The following NDUFAF2 variants were observed in gnomAD, a reference collection of about 807,000 sequenced individuals.
NDUFAF2 encodes NADH dehydrogenase [ubiquinone] 1 alpha subcomplex assembly factor 2.
Under a neutral mutation model 22.8 loss-of-function variants are expected in NDUFAF2, and 13 were observed. That is an observed-to-expected ratio of 0.57 (90% CI 0.37 to 0.91). The LOEUF (loss-of-function observed/expected upper bound fraction) is 0.91, where lower values mean the gene tolerates loss of function less well. NDUFAF2 is among the 40% of genes least tolerant of loss of function. The pLI, the probability that NDUFAF2 is intolerant of heterozygous loss-of-function variation, is 0.01. For synonymous variants in NDUFAF2, 53 were observed against 64.2 expected (o/e 0.83, Z 0.84); for missense variants, 162 against 195.2 (o/e 0.83, Z 1.01).
chr5:61,135,178 G>A (rs1740905254), intron 3 of NDUFAF2, among the ~76,000 whole-genome samples: 1 of 150,664 alleles, frequency 6.6e-6, no homozygotes, highest in African/African-American at 2.4e-5. Context: ...CGGTCCACTG[G>A]AAAGACCTAA....
At chr5:60,951,068 C>T (rs1331013058) in intron 1 of NDUFAF2, among the ~76,000 whole-genome samples, 7 of 151,842 alleles carry the variant, frequency 4.6e-5, no homozygotes, top group East Asian at 1.9e-4. Context: ...CTCACTCTGT[C>T]GCCCAGGCTG....
At chr5:60,986,045 G>A (rs889445023) in intron 1 of NDUFAF2, among the ~76,000 whole-genome samples, 3 of 152,182 alleles carry the variant, frequency 2.0e-5, no homozygotes, top group African/African-American at 7.2e-5. Flanking sequence ...CATGCTGATG[G>A]GATTGTAAAG....
At chr5:61,111,268 C>T (rs1384636098) in intron 3 of NDUFAF2, among the ~76,000 whole-genome samples, 2 of 152,216 alleles carry the variant, frequency 1.3e-5, no homozygotes, top group South Asian at 2.1e-4. Flanking sequence ...ATGTGCTTAA[C>T]GAGAAGCATG....
intron 1 of NDUFAF2, among the ~76,000 whole-genome samples, chr5:60,965,844 T>G (rs1057496608): frequency 6.6e-6 from 1 of 152,214 alleles, no homozygotes; most frequent in African/African-American, 2.4e-5. Context: ...TGCAGATATC[T>G]CTTTGGCATA....
intron 1 of NDUFAF2, among the ~76,000 whole-genome samples, chr5:60,998,640 G>C (rs1751257640): frequency 6.6e-6 from 1 of 152,006 alleles, no homozygotes. Context: ...AGTGAAAAAT[G>C]CTATGACTTA....
intron 3 of NDUFAF2, among the ~76,000 whole-genome samples, chr5:61,147,668 T>C (rs912577139): frequency 6.6e-6 from 1 of 152,112 alleles, no homozygotes; most frequent in Non-Finnish European, 1.5e-5. Flanking sequence ...AACTGTACTT[T>C]CCAATATAGT....
At chr5:61,067,167 T>A (rs901268851) in intron 1 of NDUFAF2, among the ~76,000 whole-genome samples, 2 of 152,116 alleles carry the variant, frequency 1.3e-5, no homozygotes, top group Non-Finnish European at 2.9e-5. Context: ...TTCTTTTTTT[T>A]AATTATTATG....
intron 1 of NDUFAF2, among the ~76,000 whole-genome samples, chr5:61,040,295 C>G (rs1296758679): frequency 1.3e-5 from 2 of 150,392 alleles, no homozygotes; most frequent in African/African-American, 2.5e-5. Context: ...CACGCGCGCG[C>G]GCGCGCGAAA....
intron 1 of NDUFAF2, among the ~76,000 whole-genome samples, chr5:61,052,777 G>C (rs1333057106): frequency 6.6e-6 from 1 of 152,134 alleles, no homozygotes; most frequent in Non-Finnish European, 1.5e-5. Context: ...ATGGGTAATG[G>C]TATTTCACCA....
chr5:61,086,493 C>G (rs1013132065), intron 2 of NDUFAF2, among the ~76,000 whole-genome samples: 1 of 152,114 alleles, frequency 6.6e-6, no homozygotes, highest in Non-Finnish European at 1.5e-5. Flanking sequence ...GGAATTTTCT[C>G]ACACTTATAT....
chr5:60,990,233 A>C (rs1407803277), intron 1 of NDUFAF2, among the ~76,000 whole-genome samples: 1 of 152,090 alleles, frequency 6.6e-6, no homozygotes, highest in Non-Finnish European at 1.5e-5. Flanking sequence ...TGATAGCAAA[A>C]TAGCATGACT....
intron 1 of NDUFAF2, among the ~76,000 whole-genome samples, chr5:60,954,155 C>T (rs1032914536): frequency 6.6e-6 from 1 of 152,112 alleles, no homozygotes; most frequent in Non-Finnish European, 1.5e-5. Context: ...ATATCCATGT[C>T]TCTGGTCCCA....
chr5:60,947,931 A>G (rs931621494), intron 1 of NDUFAF2, among the ~76,000 whole-genome samples: 1 of 152,092 alleles, frequency 6.6e-6, no homozygotes, highest in Non-Finnish European at 1.5e-5. Flanking sequence ...ATTCTCACTA[A>G]TTTGTATATT....
intron 1 of NDUFAF2, among the ~76,000 whole-genome samples, chr5:61,018,063 T>C (rs1424050283): frequency 1.3e-5 from 2 of 152,226 alleles, no homozygotes; most frequent in Non-Finnish European, 2.9e-5. Flanking sequence ...TTAACTTATT[T>C]AATTATAAGT....
rs1172933898 is a variant in NDUFAF2, at chr5:61,143,706, T to C, written c.259-8998T>C. 1.3e-5 allele frequency among the ~76,000 whole-genome samples: 2 copies of C among 152,136 alleles called. 1 individual carries two copies. Among genetic ancestry groups the C allele is most frequent in the African/African-American group, 4.8e-5 (2 of 41,448 alleles). On this transcript the variant is annotated intron_variant, in intron 3 of 3. Transcript: ENST00000296597. ...AAGACTGAAAAAGAACCCAGTTACA[T>C]GGGCCTAAGACTGACTCCTGAGCCT...
chr5:60,962,533 T>G (rs1247364018), intron 1 of NDUFAF2, among the ~76,000 whole-genome samples: 2 of 152,166 alleles, frequency 1.3e-5, no homozygotes, highest in Non-Finnish European at 2.9e-5. Flanking sequence ...CACCTTGTGC[T>G]ACATTCATAA....
chr5:61,040,288 G>A (rs2545492), intron 1 of NDUFAF2, among the ~76,000 whole-genome samples: 8,831 of 52,702 alleles, frequency 0.17, 302 homozygotes, highest in Middle Eastern at 0.33. Flanking sequence ...ACACACACAC[G>A]CGCGCGCGCG....
At chr5:61,067,041 A>G (rs558880337) in intron 1 of NDUFAF2, among the ~76,000 whole-genome samples, 1 of 152,244 alleles carries the variant, frequency 6.6e-6, no homozygotes, top group Admixed American at 6.5e-5. Flanking sequence ...TTGGTAATAA[A>G]ATTGTACTGT....
chr5:61,145,100 G>C (rs1741119546), intron 3 of NDUFAF2, among the ~76,000 whole-genome samples: 1 of 151,982 alleles, frequency 6.6e-6, no homozygotes, highest in Admixed American at 6.6e-5. Flanking sequence ...TTTAAGCTTT[G>C]TTTTTTAAAA....
Sources: allele counts gnomAD v4.1 joint callset (sites outside exome capture counted in the v4.1 genomes callset), GRCh38; gene constraint gnomAD v4.1.1; transcripts MANE v1.5; gene names NCBI Gene and HGNC (gene_info 2026-07-23, HGNC 2026-07-21).